Variants in SLC1A2 observed in about 807,000 individuals in gnomAD.
SLC1A2 encodes the protein solute carrier family 1 member 2.
SLC1A2 carries 15 observed loss-of-function variants against 48.8 expected under a neutral mutation model. The observed-to-expected ratio is 0.31, with a 90% CI of 0.21 to 0.47. The LOEUF is 0.47. Among genes scored for constraint, SLC1A2 ranks in the 20% least tolerant of loss-of-function variants. The probability of loss-of-function intolerance (pLI) is 0.99; values close to 1 mark genes in which losing one functional copy is unlikely to be tolerated. For synonymous variants in SLC1A2, 279 were observed against 272.6 expected, an observed-to-expected ratio of 1.02 and a Z score of -0.23; for missense variants, 502 against 730.5, an observed-to-expected ratio of 0.69 and a Z score of 3.61.
chr11:35,417,485 A>G (rs1346206552), intron 1 of SLC1A2, among the ~76,000 whole-genome samples: 1 of 152,252 alleles, frequency 6.6e-6, no homozygotes, highest in Non-Finnish European at 1.5e-5. Context: ...ATTCTTTCAT[A>G]TCTTTTCTAA....
In SLC1A2 at chr11:35,259,680, T is replaced by C. The variant is rs1315134919; in HGVS notation, c.*1214A>G. 1 of 152,242 alleles carries C rather than the reference T, an allele frequency of 6.6e-6. No individual in the cohort carries two copies. 9.4% of individuals were successfully genotyped at this position (152,242 alleles called of 1,614,324 possible). ...ATAGGAATATCACTTTTATAGGGTT[T>C]TGCACAGATGTTTGTTTTCTGTTCC... is the stretch of plus-strand genomic sequence containing the variant. On this transcript the variant is annotated 3_prime_UTR_variant, in exon 11 of 11. Transcript: ENST00000278379.
chr11:35,300,883 G>T (rs1851332454), intron 6 of SLC1A2, among the ~76,000 whole-genome samples: 1 of 152,058 alleles, frequency 6.6e-6, no homozygotes, highest in Non-Finnish European at 1.5e-5. Flanking sequence ...GCTGGGCATG[G>T]TAGTGTGCAC....
chr11:35,369,637 T>A (rs545730606), intron 1 of SLC1A2, among the ~76,000 whole-genome samples: 20 of 152,310 alleles, frequency 1.3e-4, no homozygotes, highest in African/African-American at 4.6e-4. Context: ...CACATACACA[T>A]CCCTAAAAAG....
intron 1 of SLC1A2, among the ~76,000 whole-genome samples, chr11:35,401,055 A>G (rs1855124096): frequency 6.6e-6 from 1 of 152,170 alleles, no homozygotes; most frequent in African/African-American, 2.4e-5. Flanking sequence ...TCTGATTGGT[A>G]ATTGGTTGAA....
At chr11:35,393,964 C>A (rs114644910) in intron 1 of SLC1A2, among the ~76,000 whole-genome samples, 6,984 of 152,082 alleles carry the variant, frequency 0.046, 519 homozygotes, top group African/African-American at 0.16. Flanking sequence ...CCTTGAAGCT[C>A]TTCTGTAACC....
At position 35,418,475 on chromosome 11, in the gene SLC1A2, C is replaced by A. The variant is rs538210994; in HGVS notation, c.17+475G>T. The A allele has an allele frequency of 1.7e-4, 27 of 158,402 alleles. No individual in the cohort carries two copies. In the South Asian group the frequency reaches 3.8e-3, roughly 22 times the overall value. The allele number at this position is 158,402 out of a possible 1,614,324, so 9.8% of individuals were successfully genotyped here. Reference sequence around the variant, plus strand: ...GCCCAGCATCTCCATGGCGACTCTGCAAACCTGGCGTTCAAGGCCGCGCGC... The same window carrying A: ...GCCCAGCATCTCCATGGCGACTCTGAAAACCTGGCGTTCAAGGCCGCGCGC... On this transcript the variant is annotated intron_variant, in intron 1 of 10. Transcript: ENST00000278379.
At chr11:35,381,561 C>T (rs1203483928) in intron 1 of SLC1A2, among the ~76,000 whole-genome samples, 2 of 151,966 alleles carry the variant, frequency 1.3e-5, no homozygotes, top group Admixed American at 1.3e-4. Context: ...GAGTTTGAGT[C>T]CCACCAAGAA....
chr11:35,271,492 A>C (rs1251341393), intron 9 of SLC1A2, among the ~76,000 whole-genome samples: 2 of 152,230 alleles, frequency 1.3e-5, no homozygotes, highest in African/African-American at 2.4e-5. Flanking sequence ...GGAAACTAGA[A>C]GAGTTTGTCA....
chr11:35,347,226 A>T lies in SLC1A2; in HGVS notation c.18-29710T>A, dbSNP rs561744574. Among the ~76,000 whole-genome samples, 5 of 152,316 alleles carry T rather than the reference A, an allele frequency of 3.3e-5. No homozygotes were observed. In the South Asian group the frequency reaches 1.0e-3, roughly 32 times the overall value. ...AAAAGTCAGACAGAAAGGAGCCATG[A>T]GAGCGAGAAGAAGTGCGAAGGAGCA... On this transcript the variant is annotated intron_variant, in intron 1 of 10. Transcript: ENST00000278379.
intron 9 of SLC1A2, among the ~76,000 whole-genome samples, chr11:35,276,750 C>T (rs577881635): frequency 6.6e-6 from 1 of 152,304 alleles, no homozygotes; most frequent in Non-Finnish European, 1.5e-5. Flanking sequence ...TGGCCAAGAC[C>T]TTGATTGTAC....
At chr11:35,367,126 G>C (rs1853877216) in intron 1 of SLC1A2, among the ~76,000 whole-genome samples, 1 of 152,208 alleles carries the variant, frequency 6.6e-6, no homozygotes, top group African/African-American at 2.4e-5. Flanking sequence ...TGAGTTTGGA[G>C]ACAGTTGTTT....
chr11:35,346,770 G>A (rs1399982574), intron 1 of SLC1A2, among the ~76,000 whole-genome samples: 1 of 152,256 alleles, frequency 6.6e-6, no homozygotes, highest in East Asian at 1.9e-4. Context: ...TGACAGTGAA[G>A]CGGAGACTCA....
chr11:35,261,033 T>C lies in SLC1A2; in HGVS notation c.1654-68A>G. ...CCAGAAAAAAGCCCTGTGGGTTATG[T>C]GGAGAAGCACCAAATCCAAGATTAT... On this transcript the variant is annotated intron_variant, in intron 10 of 10. Coordinates refer to ENST00000278379, the MANE Select transcript of SLC1A2 (RefSeq NM_004171.4). The C allele has an allele frequency of 2.7e-6, 3 of 1,114,120 alleles. No individual in the cohort carries two copies. The South Asian group carries it at 3.7e-5, about 14-fold the overall frequency. The allele number at this position is 1,114,120 out of a possible 1,614,324, so 69.0% of individuals were successfully genotyped here.
intron 1 of SLC1A2, among the ~76,000 whole-genome samples, chr11:35,366,983 G>A (rs2135150459): frequency 6.6e-6 from 1 of 152,350 alleles, no homozygotes; most frequent in Middle Eastern, 3.4e-3. Flanking sequence ...CCTGGTCAAA[G>A]CTGACTAATA....
intron 1 of SLC1A2, among the ~76,000 whole-genome samples, chr11:35,335,410 GTGA>G: frequency 6.6e-6 from 1 of 152,320 alleles, no homozygotes; most frequent in Non-Finnish European, 1.5e-5. Context: ...AAGGGCAGCT[GTGA>G]TGAAGTCACG....
At chr11:35,369,990 G>C (rs551665936) in intron 1 of SLC1A2, among the ~76,000 whole-genome samples, 2 of 152,188 alleles carry the variant, frequency 1.3e-5, no homozygotes, top group Non-Finnish European at 2.9e-5. Flanking sequence ...AAATTGGGTG[G>C]GGGTGAAGAG....
chr11:35,327,798 A>T (rs1175212792), intron 1 of SLC1A2, among the ~76,000 whole-genome samples: 1 of 152,248 alleles, frequency 6.6e-6, no homozygotes, highest in Non-Finnish European at 1.5e-5. Flanking sequence ...GAAGATTCTG[A>T]AACTTGCCCA....
intron 1 of SLC1A2, among the ~76,000 whole-genome samples, chr11:35,355,088 T>C (rs1853408901): frequency 6.6e-6 from 1 of 152,194 alleles, no homozygotes; most frequent in African/African-American, 2.4e-5. Context: ...AACATTTACA[T>C]AGAAATACAA....
chr11:35,300,853 T>TA (rs1460705049), intron 6 of SLC1A2, among the ~76,000 whole-genome samples: 1 of 151,978 alleles, frequency 6.6e-6, no homozygotes, highest in Non-Finnish European at 1.5e-5. Flanking sequence ...CTCGTCTCTA[T>TA]AAAAAATTTT....
Sources: allele counts gnomAD v4.1 joint callset (sites outside exome capture counted in the v4.1 genomes callset), GRCh38; gene constraint gnomAD v4.1.1; transcripts MANE v1.5; gene names NCBI Gene and HGNC (gene_info 2026-07-23, HGNC 2026-07-21).